LPIN1: variants seen among roughly 807,000 people sequenced by gnomAD.
LPIN1 encodes phosphatidate phosphatase LPIN1.
Under a neutral mutation model 107.5 loss-of-function variants are expected in LPIN1, and 71 were observed. The observed-to-expected ratio is 0.66, with a 90% CI of 0.55 to 0.80. The LOEUF is 0.80. LPIN1 is among the 30% of genes least tolerant of loss of function. The probability of loss-of-function intolerance (pLI) is 0.00; values close to 1 mark genes in which losing one functional copy is unlikely to be tolerated. For synonymous variants in LPIN1, 445 were observed against 452.6 expected (o/e 0.98, Z 0.21); for missense variants, 1,043 against 1,160.6 (o/e 0.90, Z 1.47).
intron 1 of LPIN1, among the ~76,000 whole-genome samples, chr2:11,726,928 C>T (rs936560339): frequency 1.3e-5 from 2 of 152,134 alleles, no homozygotes; most frequent in Non-Finnish European, 2.9e-5. Context: ...AATGTTTTCA[C>T]GATTATGCAT....
intron 14 of LPIN1, among the ~76,000 whole-genome samples, chr2:11,796,148 C>T (rs1676672536): frequency 6.6e-6 from 1 of 152,198 alleles, no homozygotes; most frequent in South Asian, 2.1e-4. Context: ...TACAGTATTC[C>T]TGTGCTTAAG....
chr2:11,771,314 C>T lies in LPIN1; in HGVS notation c.289-58C>T. The T allele has an allele frequency of 1.3e-6, 2 of 1,575,970 alleles. No homozygotes were observed. The highest frequency in any genetic ancestry group is 1.7e-5 in the Admixed American group (1 of 59,892). Reference sequence around the variant, plus strand: ...GAATCCTGGAGGCCTCTGGCAAGGCCCTGCTTCTTATACCTGAATTAACGA... The same window carrying T: ...GAATCCTGGAGGCCTCTGGCAAGGCTCTGCTTCTTATACCTGAATTAACGA... On this transcript the variant is annotated intron_variant, in intron 3 of 20. Coordinates refer to ENST00000674199, the MANE Select transcript of LPIN1 (RefSeq NM_001349206.2). This position sits in a 1 kb window ranked among gnomAD's most constrained non-coding sequence, Gnocchi z 4.8.
At chr2:11,729,791 A>G (rs370017900) in intron 1 of LPIN1, among the ~76,000 whole-genome samples, 5 of 152,116 alleles carry the variant, frequency 3.3e-5, no homozygotes, top group African/African-American at 1.2e-4. Flanking sequence ...CTTTGCCTTT[A>G]TTATTTTAAT....
intron 1 of LPIN1, among the ~76,000 whole-genome samples, chr2:11,762,852 G>A (rs556313544): frequency 2.6e-5 from 4 of 152,302 alleles, no homozygotes; most frequent in South Asian, 2.1e-4. Context: ...GTTCACACAC[G>A]TGGTGTTTCC....
chr2:11,764,099 T>TACACAC (rs1276653594), intron 1 of LPIN1: 42 of 123,376 alleles, frequency 3.4e-4, no homozygotes, highest in African/African-American at 7.6e-4. Flanking sequence ...TATATATATA[T>TACACAC]ATATACACAC....
chr2:11,740,197 C>T (rs186200786), intron 1 of LPIN1, among the ~76,000 whole-genome samples: 200 of 152,288 alleles, frequency 1.3e-3, no homozygotes, highest in African/African-American at 4.3e-3. Flanking sequence ...ATTTGCCTTT[C>T]CTCAGCCCTT....
intron 1 of LPIN1, among the ~76,000 whole-genome samples, chr2:11,731,863 C>T (rs1476179085): frequency 1.3e-5 from 2 of 150,800 alleles, no homozygotes; most frequent in South Asian, 2.1e-4. Context: ...TGGCTGCATA[C>T]ATGTCTTTTG....
intron 1 of LPIN1, among the ~76,000 whole-genome samples, chr2:11,748,230 C>A (rs1667255878): frequency 6.6e-6 from 1 of 152,238 alleles, no homozygotes; most frequent in Non-Finnish European, 1.5e-5. Context: ...TGCTCTCCTG[C>A]TCTTTGCGTG....
intron 9 of LPIN1, 30 bp downstream of exon 9, chr2:11,783,952 T>C: frequency 6.2e-7 from 1 of 1,613,614 alleles, no homozygotes; most frequent in Non-Finnish European, 8.5e-7. Context: ...CTCACATCAT[T>C]TCCTATAATC....
chr2:11,814,548 GT>G (rs1558297851), intron 17 of LPIN1, among the ~76,000 whole-genome samples: 5 of 151,354 alleles, frequency 3.3e-5, no homozygotes, highest in Non-Finnish European at 7.4e-5. Flanking sequence ...GTGTGTGTGT[GT>G]GGTTGTTTTG....
intron 1 of LPIN1, among the ~76,000 whole-genome samples, chr2:11,735,959 G>C (rs937663838): frequency 1.3e-5 from 2 of 152,204 alleles, no homozygotes; most frequent in African/African-American, 4.8e-5. Flanking sequence ...TCCTAGTACT[G>C]TCACAGGTTG....
At chr2:11,691,515 C>T (rs1322550580) in intron 1 of LPIN1, among the ~76,000 whole-genome samples, 1 of 152,188 alleles carries the variant, frequency 6.6e-6, no homozygotes. Flanking sequence ...TCTTTCCAGG[C>T]CAGAGACTGT....
chr2:11,782,536 T>C (rs780563683), intron 8 of LPIN1, 29 bp downstream of exon 8: 2 of 1,612,816 alleles, frequency 1.2e-6, no homozygotes, highest in Non-Finnish European at 8.5e-7. Flanking sequence ...CCCGGCTCTT[T>C]TTCTGTTCAT....
intron 12 of LPIN1, among the ~76,000 whole-genome samples, chr2:11,790,198 A>T (rs1481759924): frequency 6.6e-6 from 1 of 152,240 alleles, no homozygotes; most frequent in African/African-American, 2.4e-5. Flanking sequence ...TCAGGAAGTT[A>T]TTGAATTGGT....
At chr2:11,772,956 AG>A (rs1415474558) in intron 4 of LPIN1, among the ~76,000 whole-genome samples, 20 of 152,188 alleles carry the variant, frequency 1.3e-4, no homozygotes, top group African/African-American at 4.3e-4. Context: ...TGACAGGCTT[AG>A]AACCAGCGTC....
intron 1 of LPIN1, among the ~76,000 whole-genome samples, chr2:11,699,242 C>T (rs1484414045): frequency 6.6e-6 from 1 of 152,142 alleles, no homozygotes; most frequent in Non-Finnish European, 1.5e-5. Flanking sequence ...TATTGAACCC[C>T]CATTTACATG....
chr2:11,751,581 G>A lies in LPIN1; in HGVS notation c.-10+4910G>A, dbSNP rs531480066. 9.8e-5 allele frequency among the ~76,000 whole-genome samples: 15 copies of A among 152,308 alleles called. No homozygotes were observed. The South Asian group carries it at 2.7e-3, about 27-fold the overall frequency. ...TTTAAAAATGGGTCCAGCTGGGCGCGGTGGCTCACGCCTGTAATCCCAGCA... is the reference window on the plus strand; with the variant it reads ...TTTAAAAATGGGTCCAGCTGGGCGCAGTGGCTCACGCCTGTAATCCCAGCA... On this transcript the variant is annotated intron_variant, in intron 1 of 20. Transcript: ENST00000674199.
chr2:11,784,999 C>T lies in LPIN1; in HGVS notation c.1472C>T (p.Ser491Leu). The T allele has an allele frequency of 1.2e-6, 2 of 1,613,330 alleles. No homozygotes were observed. Among genetic ancestry groups the T allele is most frequent in the Non-Finnish European group, 1.7e-6 (2 of 1,179,710 alleles). Residue 491 changes from serine to leucine, a missense_variant, in exon 10 of 21, where the codon TCG (serine) becomes TTG (leucine). Transcript: ENST00000674199. Reference sequence around the variant, plus strand: ...GTGGACAGTGGCGTGGAGAGCACCTCGGACGGGCTGAGGGACCTCCCTTCC... The same window carrying T: ...GTGGACAGTGGCGTGGAGAGCACCTTGGACGGGCTGAGGGACCTCCCTTCC... ...SGVDSGVESTSDGLRDLPSIA... is the reference protein window; with the variant it reads ...SGVDSGVESTLDGLRDLPSIA...
rs529093797 is a variant in LPIN1 at position 11,765,252 on chromosome 2, C to G, written c.-9-281C>G. 1.2e-4 allele frequency among the ~76,000 whole-genome samples: 17 copies of G among 143,642 alleles called. No homozygotes were observed. Among genetic ancestry groups the G allele is most frequent in the African/African-American group, 4.2e-4 (16 of 38,080 alleles). The allele number at this position is 143,642 out of a possible 152,430, so 94.2% of individuals were successfully genotyped here. A position where few individuals can be genotyped will look rare whatever the true frequency, so the allele number is the denominator to read the frequency against. ...GGGCCATGATGGGCCCTGATGGACCCTGATGGACCCTGATGGGCCGTGATG... is the reference window on the plus strand; with the variant it reads ...GGGCCATGATGGGCCCTGATGGACCGTGATGGACCCTGATGGGCCGTGATG... On this transcript the variant is annotated intron_variant, in intron 1 of 20. Coordinates refer to ENST00000674199, the MANE Select transcript of LPIN1 (RefSeq NM_001349206.2). This position sits in a 1 kb window ranked among gnomAD's most constrained non-coding sequence, Gnocchi z 4.4.
Sources: allele counts gnomAD v4.1 joint callset (sites outside exome capture counted in the v4.1 genomes callset), GRCh38; gene constraint gnomAD v4.1.1; non-coding constraint Gnocchi (gnomAD v3.1); transcripts MANE v1.5; gene names NCBI Gene and HGNC (gene_info 2026-07-23, HGNC 2026-07-21).